TYW1: variants seen among roughly 807,000 people sequenced by gnomAD.
TYW1 encodes the protein tRNA-yW synthesizing protein 1 homolog.
Under a neutral mutation model 96.2 loss-of-function variants are expected in TYW1, and 46 were observed. The observed-to-expected ratio is 0.48, with a 90% CI of 0.38 to 0.61. TYW1 has a LOEUF of 0.61. Among genes scored for constraint, TYW1 ranks in the 20% least tolerant of loss-of-function variants. The probability of loss-of-function intolerance (pLI) is 0.00; values close to 1 mark genes in which losing one functional copy is unlikely to be tolerated. For synonymous variants in TYW1, 274 were observed against 323.0 expected (o/e 0.85, Z 1.63); for missense variants, 684 against 909.6 (o/e 0.75, Z 3.19).
intron 3 of TYW1, among the ~76,000 whole-genome samples, chr7:67,008,446 G>A (rs891646609): frequency 6.6e-6 from 1 of 152,164 alleles, no homozygotes; most frequent in Admixed American, 6.5e-5. Context: ...CTGGCAACGA[G>A]CCTCCATCCT....
chr7:67,030,997 T>G (rs1181339100), intron 7 of TYW1, among the ~76,000 whole-genome samples: 2 of 149,136 alleles, frequency 1.3e-5, no homozygotes, highest in Non-Finnish European at 3.0e-5. Context: ...GGTCAGGAGT[T>G]CAAGACCAAC....
intron 7 of TYW1, among the ~76,000 whole-genome samples, chr7:67,034,822 G>A (rs770876782): frequency 8.5e-5 from 13 of 152,206 alleles, no homozygotes; most frequent in Admixed American, 2.0e-4. Context: ...AAACTTATCC[G>A]AAGAATAAAT....
rs542393074 is a variant in TYW1, at chr7:67,119,196, A to G, written c.1698+1578A>G. On this transcript the variant is annotated intron_variant, in intron 13 of 15. Transcript: ENST00000359626. Reference sequence around the variant, plus strand: ...TTTATGCCTTCTTGACATTTGACTGATAATGACAATCACCCCAGGAGCTTA... The same window carrying G: ...TTTATGCCTTCTTGACATTTGACTGGTAATGACAATCACCCCAGGAGCTTA... 1.2e-3 allele frequency among the ~76,000 whole-genome samples: 187 copies of G among 151,916 alleles called. 1 individual carries two copies. The highest frequency in any genetic ancestry group is 2.2e-3 in the Non-Finnish European group (152 of 67,998).
At chr7:67,192,932 G>A (rs1367689933) in intron 14 of TYW1, among the ~76,000 whole-genome samples, 4 of 152,166 alleles carry the variant, frequency 2.6e-5, no homozygotes, top group South Asian at 2.1e-4. Context: ...CCTCGGACAC[G>A]CGCAGTTGTC....
intron 11 of TYW1, among the ~76,000 whole-genome samples, chr7:67,096,580 GT>G (rs901279458): frequency 3.3e-4 from 50 of 149,696 alleles, no homozygotes; most frequent in African/African-American, 1.2e-3. Flanking sequence ...TTTTTTCTTT[GT>G]TTTTTTTTTA....
intron 15 of TYW1, among the ~76,000 whole-genome samples, chr7:67,229,067 G>T (rs1316038116): frequency 6.6e-6 from 1 of 152,162 alleles, no homozygotes; most frequent in Non-Finnish European, 1.5e-5. Context: ...TAAAATCAAA[G>T]AAATCAAAGG....
At chr7:67,040,021 A>G (rs1196345725) in intron 7 of TYW1, among the ~76,000 whole-genome samples, 1 of 150,586 alleles carries the variant, frequency 6.6e-6, no homozygotes, top group Non-Finnish European at 1.5e-5. Context: ...CAGTGGTGCA[A>G]TCTTGGCTCA....
At chr7:67,165,596 A>G (rs1421378613) in intron 13 of TYW1, among the ~76,000 whole-genome samples, 2 of 152,082 alleles carry the variant, frequency 1.3e-5, no homozygotes, top group Admixed American at 6.6e-5. Flanking sequence ...CAGACATAAT[A>G]TCATTTTATC....
intron 11 of TYW1, among the ~76,000 whole-genome samples, chr7:67,087,547 G>C (rs1001837121): frequency 2.6e-5 from 4 of 151,958 alleles, no homozygotes; most frequent in Admixed American, 2.6e-4. Context: ...TCTTAAAAAT[G>C]GTATTTATAC....
At chr7:67,123,964 T>G (rs1171456813) in intron 13 of TYW1, among the ~76,000 whole-genome samples, 5 of 152,290 alleles carry the variant, frequency 3.3e-5, no homozygotes, top group Middle Eastern at 6.8e-3. Context: ...GAGTAAATAA[T>G]AGATCTGAAT....
intron 13 of TYW1, among the ~76,000 whole-genome samples, chr7:67,142,914 G>A (rs567842440): frequency 1.3e-5 from 2 of 152,160 alleles, no homozygotes; most frequent in African/African-American, 2.4e-5. Flanking sequence ...TTAGCCGGGC[G>A]TGGTGGCAGG....
At position 67,050,166 on chromosome 7, in the gene TYW1, C is replaced by T. The variant is rs1456520882; in HGVS notation, c.1102+100C>T. ...CTCTCTAATTAGCTCAGCAGCTGTT[C>T]ATAGTGGCAGATATAACAGTCTAAA... On this transcript the variant is annotated intron_variant, in intron 8 of 15. Transcript: ENST00000359626. 7.6e-5 allele frequency: 103 copies of T among 1,356,596 alleles called. 1 individual carries two copies. Among genetic ancestry groups the T allele is most frequent in the Non-Finnish European group, 9.0e-5 (87 of 970,466 alleles). 84.0% of individuals were successfully genotyped at this position (1,356,596 alleles called of 1,614,324 possible). A position where few individuals can be genotyped will look rare whatever the true frequency, so the allele number is the denominator to read the frequency against.
chr7:67,077,357 CCAA>C (rs1484018921), intron 10 of TYW1, among the ~76,000 whole-genome samples: 1 of 152,156 alleles, frequency 6.6e-6, no homozygotes, highest in Non-Finnish European at 1.5e-5. Flanking sequence ...GTTTACATTG[CCAA>C]CAACAGTGTA....
intron 13 of TYW1, among the ~76,000 whole-genome samples, chr7:67,171,294 G>C (rs780106361): frequency 7.9e-5 from 12 of 152,038 alleles, no homozygotes; most frequent in Non-Finnish European, 1.6e-4. Flanking sequence ...TCTTAGTCTA[G>C]CTAAAGGTCC....
intron 3 of TYW1, among the ~76,000 whole-genome samples, chr7:67,005,644 C>A (rs1793551907): frequency 6.6e-6 from 1 of 152,280 alleles, no homozygotes; most frequent in Admixed American, 6.5e-5. Context: ...TCCTTTATAG[C>A]AAAATGGACT....
chr7:67,140,727 T>C (rs974849816), intron 13 of TYW1, among the ~76,000 whole-genome samples: 7 of 152,198 alleles, frequency 4.6e-5, no homozygotes, highest in Non-Finnish European at 8.8e-5. Flanking sequence ...AATGTGCACT[T>C]TGAGTCAACA....
chr7:67,058,816 G>A (rs1179794726), intron 9 of TYW1, among the ~76,000 whole-genome samples: 3 of 152,006 alleles, frequency 2.0e-5, no homozygotes, highest in African/African-American at 7.2e-5. Flanking sequence ...CCTGTGATTC[G>A]TCTTGAATCA....
At chr7:67,022,863 C>T (rs777879634) in intron 6 of TYW1, among the ~76,000 whole-genome samples, 1 of 152,196 alleles carries the variant, frequency 6.6e-6, no homozygotes, top group Non-Finnish European at 1.5e-5. Flanking sequence ...GAGCCAGCCA[C>T]AGCGCCACTT....
At chr7:67,029,180 A>G (rs1371529887) in intron 7 of TYW1, among the ~76,000 whole-genome samples, 10 of 151,592 alleles carry the variant, frequency 6.6e-5, no homozygotes, top group Admixed American at 2.6e-4. Context: ...TTGTATTTTT[A>G]GTAGAGACGG....
Sources: gnomAD v4.1 joint callset for allele counts (sites outside exome capture counted in the v4.1 genomes callset) on GRCh38, gnomAD v4.1.1 for gene constraint, MANE v1.5 for transcripts, NCBI Gene and HGNC (gene_info 2026-07-23, HGNC 2026-07-21) for gene names.